The following SPAG16 variants were observed in gnomAD, a reference collection of about 807,000 sequenced individuals.
SPAG16 encodes the protein sperm-associated antigen 16 protein.
A neutral mutation model predicts 80.4 loss-of-function variants in SPAG16; 86 were observed. The observed-to-expected ratio is 1.07, with a 90% CI of 0.90 to 1.28. The LOEUF (loss-of-function observed/expected upper bound fraction) is 1.28. SPAG16 is among the 50% of genes most tolerant of loss of function. The pLI, the probability that SPAG16 is intolerant of heterozygous loss-of-function variation, is 0.00. For missense variants in SPAG16, 870 were observed against 765.3 expected (o/e 1.14, Z -1.61); for synonymous variants, 294 against 265.9 (o/e 1.11, Z -1.03).
chr2:213,352,264 A>T (rs1043466912), intron 7 of SPAG16, among the ~76,000 whole-genome samples: 28 of 152,054 alleles, frequency 1.8e-4, no homozygotes, highest in African/African-American at 6.5e-4. Flanking sequence ...AATACAAATG[A>T]GTTTAACAAT....
At chr2:213,934,135 G>A (rs1048015802) in intron 12 of SPAG16, among the ~76,000 whole-genome samples, 4 of 152,170 alleles carry the variant, frequency 2.6e-5, no homozygotes, top group South Asian at 2.1e-4. Flanking sequence ...TCCTCTGGGG[G>A]ACAGCCATGG....
At chr2:214,378,911 C>CAGTT (rs1367210192) in intron 15 of SPAG16, among the ~76,000 whole-genome samples, 5 of 152,194 alleles carry the variant, frequency 3.3e-5, no homozygotes, top group African/African-American at 7.2e-5. Context: ...GGAGCAGCAG[C>CAGTT]AGTTAGTAAA....
intron 15 of SPAG16, among the ~76,000 whole-genome samples, chr2:214,273,047 G>C: frequency 6.6e-6 from 1 of 152,186 alleles, no homozygotes; most frequent in Non-Finnish European, 1.5e-5. Flanking sequence ...GGCCAGTGAT[G>C]ATGAGCATTT....
intron 13 of SPAG16, among the ~76,000 whole-genome samples, chr2:214,077,449 C>T (rs1254561970): frequency 6.6e-6 from 1 of 152,204 alleles, no homozygotes; most frequent in Non-Finnish European, 1.5e-5. Flanking sequence ...GAGTTAAAGG[C>T]CTTATTCTCA....
chr2:213,954,689 T>C (rs2044027002), intron 12 of SPAG16, among the ~76,000 whole-genome samples: 1 of 152,124 alleles, frequency 6.6e-6, no homozygotes, highest in Non-Finnish European at 1.5e-5. Flanking sequence ...GCTGAATTGC[T>C]GGATCCCACA....
intron 10 of SPAG16, among the ~76,000 whole-genome samples, chr2:213,855,990 T>G (rs6729931): frequency 0.34 from 52,276 of 151,946 alleles, 9,450 homozygotes; most frequent in South Asian, 0.47. Context: ...ACTCATTTCA[T>G]CATTAACTCA....
intron 9 of SPAG16, among the ~76,000 whole-genome samples, chr2:213,450,277 C>G (rs1210636187): frequency 1.1e-4 from 17 of 152,158 alleles, no homozygotes; most frequent in Admixed American, 1.1e-3. Context: ...GCACTCCAGC[C>G]TGGGCGACAG....
At chr2:214,147,607 T>TA in intron 14 of SPAG16, among the ~76,000 whole-genome samples, 1 of 152,346 alleles carries the variant, frequency 6.6e-6, no homozygotes, top group Non-Finnish European at 1.5e-5. Context: ...TCCTTGCCGA[T>TA]ACTGAGAACT....
chr2:214,245,464 A>C (rs1689775016), intron 15 of SPAG16, among the ~76,000 whole-genome samples: 1 of 152,184 alleles, frequency 6.6e-6, no homozygotes. Flanking sequence ...GGTATTAAAG[A>C]AAATATAAGT....
intron 9 of SPAG16, among the ~76,000 whole-genome samples, chr2:213,420,299 C>T (rs2069507093): frequency 6.6e-6 from 1 of 152,288 alleles, no homozygotes; most frequent in Admixed American, 6.5e-5. Flanking sequence ...AATAATCCAT[C>T]AAAAGACACT....
chr2:213,418,430 T>G (rs2069394673), intron 9 of SPAG16, among the ~76,000 whole-genome samples: 1 of 152,094 alleles, frequency 6.6e-6, no homozygotes, highest in Admixed American at 6.6e-5. Flanking sequence ...CAGGAAGAGG[T>G]TTCACTTATA....
intron 15 of SPAG16, among the ~76,000 whole-genome samples, chr2:214,409,694 C>CA (rs1208087936): frequency 6.6e-6 from 1 of 152,022 alleles, no homozygotes; most frequent in African/African-American, 2.4e-5. Flanking sequence ...TAATGATTAG[C>CA]ATAATTATTA....
At chr2:214,168,176 G>A (rs530006739) in intron 15 of SPAG16, among the ~76,000 whole-genome samples, 2 of 151,382 alleles carry the variant, frequency 1.3e-5, no homozygotes, top group Non-Finnish European at 2.9e-5. Context: ...TTTTTTTGTA[G>A]AGATGGAAAT....
chr2:213,748,802 G>GTT (rs200609246), intron 10 of SPAG16, among the ~76,000 whole-genome samples: 4 of 151,992 alleles, frequency 2.6e-5, no homozygotes, highest in African/African-American at 4.8e-5. Context: ...CAGTGTTTTA[G>GTT]TTTTTTTCTG....
chr2:213,322,353 A>C (rs2063658226), intron 5 of SPAG16, among the ~76,000 whole-genome samples: 3 of 111,552 alleles, frequency 2.7e-5, no homozygotes, highest in Non-Finnish European at 5.4e-5. Flanking sequence ...AAAAAAAAAA[A>C]AAACAAAAAA....
chr2:214,134,568 G>T (rs1366906319), intron 14 of SPAG16, among the ~76,000 whole-genome samples: 1 of 152,102 alleles, frequency 6.6e-6, no homozygotes, highest in Non-Finnish European at 1.5e-5. Flanking sequence ...ATAAATATTT[G>T]TTTGATGAAT....
intron 14 of SPAG16, among the ~76,000 whole-genome samples, chr2:214,145,366 T>A (rs1430924651): frequency 6.6e-6 from 1 of 152,160 alleles, no homozygotes; most frequent in East Asian, 1.9e-4. Context: ...GTTTCCATTT[T>A]GTATTTATAA....
intron 10 of SPAG16, among the ~76,000 whole-genome samples, chr2:213,781,765 G>A (rs1189744201): frequency 6.6e-6 from 1 of 152,166 alleles, no homozygotes; most frequent in Admixed American, 6.5e-5. Flanking sequence ...TCATGAAGAA[G>A]ACTGCTCTTG....
chr2:214,039,854 G>C, intron 13 of SPAG16, among the ~76,000 whole-genome samples: 1 of 152,202 alleles, frequency 6.6e-6, no homozygotes. Flanking sequence ...ACCTCTCTGA[G>C]ACTTTAGGGG....
Sources: allele counts gnomAD v4.1 joint callset (sites outside exome capture counted in the v4.1 genomes callset), GRCh38; gene constraint gnomAD v4.1.1; transcripts MANE v1.5; gene names NCBI Gene and HGNC (gene_info 2026-07-23, HGNC 2026-07-21).